CAPN8: variants seen among roughly 807,000 people sequenced by gnomAD.
CAPN8 encodes calpain 8, also known as calpain-8.
CAPN8 carries 87 observed loss-of-function variants against 80.9 expected under a neutral mutation model. The ratio of observed to expected loss-of-function variants is 1.07; its 90% CI spans 0.90 to 1.28. The LOEUF (loss-of-function observed/expected upper bound fraction) is 1.28. CAPN8 is among the 50% of genes most tolerant of loss of function. The pLI, the probability that CAPN8 is intolerant of heterozygous loss-of-function variation, is 0.00. For missense variants in CAPN8, 757 were observed against 702.0 expected (o/e 1.08, Z -0.89); for synonymous variants, 299 against 273.8 (o/e 1.09, Z -0.91).
At position 223,618,026 on chromosome 1, in the gene CAPN8, T is replaced by A. The variant is rs1021820308; in HGVS notation, c.1135+1267A>T. On this transcript the variant is annotated intron_variant, in intron 9 of 20. Transcript: ENST00000366872. ...GCATCCAGGTGGGGTTTTATTCTAA[T>A]GCTGCTTCCCTAGCACCGAGCACAG... The A allele has an allele frequency of 7.4e-6, 4 of 537,948 alleles. No homozygotes were observed. The African/African-American group carries it at 7.5e-5, about 10-fold the overall frequency. The allele number at this position is 537,948 out of a possible 1,614,324, so 33.3% of individuals were successfully genotyped here. A position where few individuals can be genotyped will look rare whatever the true frequency, so the allele number is the denominator to read the frequency against.
intron 2 of CAPN8, among the ~76,000 whole-genome samples, chr1:223,645,840 G>GTCCT (rs1175415518): frequency 6.6e-6 from 1 of 152,178 alleles, no homozygotes; most frequent in Non-Finnish European, 1.5e-5. Context: ...GGCACAAAGA[G>GTCCT]TCCTCCTGGA....
rs181936413 is a variant in CAPN8, at chr1:223,625,977, C to T, written c.730-89G>A. The stretch of plus-strand genomic sequence containing the variant: ...GCTTTCCAAGGACACACTACACAGC[C>T]ACTGGGGGCTTCAGTGTGGGACTAG... On this transcript the variant is annotated intron_variant, in intron 5 of 20. Coordinates refer to ENST00000366872, the MANE Select transcript of CAPN8 (RefSeq NM_001143962.2). 9.4e-4 allele frequency: 951 copies of T among 1,011,900 alleles called. 6 individuals carry two copies. In the African/African-American group the frequency reaches 0.013, roughly 14 times the overall value. 62.7% of individuals were successfully genotyped at this position (1,011,900 alleles called of 1,614,324 possible). A position where few individuals can be genotyped will look rare whatever the true frequency, so the allele number is the denominator to read the frequency against.
intron 12 of CAPN8, among the ~76,000 whole-genome samples, 183 bp downstream of exon 12, chr1:223,608,970 A>T (rs1433890096): frequency 4.0e-5 from 6 of 148,682 alleles, no homozygotes; most frequent in African/African-American, 1.5e-4. Context: ...CGTGACCTAT[A>T]GAGCAAGGTG....
Position 223,616,232 on chromosome 1 carries a change from T to A in CAPN8, c.1136-87A>T, listed in dbSNP as rs935938544. On this transcript the variant is annotated intron_variant, in intron 9 of 20. Transcript: ENST00000366872. Reference sequence around the variant, plus strand: ...AAGTAAAAGGGAAGAAACTTGATCATCCTAATGAATGCACAGCTCCATCCA... The same window carrying A: ...AAGTAAAAGGGAAGAAACTTGATCAACCTAATGAATGCACAGCTCCATCCA... The A allele has an allele frequency of 2.2e-6, 3 of 1,378,286 alleles. No individual in the cohort carries two copies. In the African/African-American group the frequency reaches 4.4e-5, roughly 20 times the overall value. 85.4% of individuals were successfully genotyped at this position (1,378,286 alleles called of 1,614,324 possible). A position where few individuals can be genotyped will look rare whatever the true frequency, so the allele number is the denominator to read the frequency against.
At chr1:223,624,906 GAC>G (rs1657518383) in intron 6 of CAPN8, among the ~76,000 whole-genome samples, 4 of 151,686 alleles carry the variant, frequency 2.6e-5, no homozygotes, top group Admixed American at 2.0e-4. Context: ...CATCCTGGCT[GAC>G]ACAGTGAAAC....
intron 2 of CAPN8, among the ~76,000 whole-genome samples, chr1:223,651,592 C>A (rs1269548114): frequency 1.3e-5 from 2 of 152,204 alleles, no homozygotes; most frequent in African/African-American, 4.8e-5. Flanking sequence ...CAGAAGCAGC[C>A]AGACTTTGGA....
At chr1:223,664,191 A>T (rs2102743482) in intron 1 of CAPN8, among the ~76,000 whole-genome samples, 1 of 152,310 alleles carries the variant, frequency 6.6e-6, no homozygotes, top group Admixed American at 6.5e-5. Context: ...GGGTAGTATC[A>T]GTAACCGCAT....
At position 223,545,345 on chromosome 1, in the gene CAPN8, C is replaced by A. The variant is rs1180731363; in HGVS notation, c.1765-46G>T. ...CATGATTGAGTCCAAATTCTACATG[C>A]CTTATAGATTTCTTTCTCTTGTGAG... On this transcript the variant is annotated intron_variant, in intron 16 of 20. Coordinates refer to ENST00000366872, the MANE Select transcript of CAPN8 (RefSeq NM_001143962.2). 4 of 1,551,122 alleles carry A rather than the reference C, an allele frequency of 2.6e-6. No individual in the cohort carries two copies. The Admixed American group carries it at 7.8e-5, about 30-fold the overall frequency.
chr1:223,544,878 A>C, intron 17 of CAPN8, 28 bp from the exon 18 acceptor site: 2 of 1,551,466 alleles, frequency 1.3e-6, no homozygotes, highest in South Asian at 1.2e-5. Context: ...TCCCAAGTAG[A>C]AAACAACCAT....
intron 2 of CAPN8, among the ~76,000 whole-genome samples, chr1:223,651,122 TG>T (rs149473140): frequency 0.012 from 1,786 of 152,034 alleles, 33 homozygotes; most frequent in African/African-American, 0.04. Context: ...ACACTGAGTG[TG>T]GGTGGCCCTT....
chr1:223,632,950 G>A (rs1220900712), intron 2 of CAPN8, among the ~76,000 whole-genome samples: 2 of 152,196 alleles, frequency 1.3e-5, no homozygotes, highest in African/African-American at 4.8e-5. Context: ...CTTCCCATCT[G>A]GAAAGTCCAC....
Position 223,610,940 on chromosome 1 carries a change from G to T in CAPN8, c.1323+1306C>A, listed in dbSNP as rs144379173. 4.7e-3 allele frequency among the ~76,000 whole-genome samples: 714 copies of T among 152,298 alleles called. 5 individuals are homozygous for T. The highest frequency in any genetic ancestry group is 0.017 in the African/African-American group (693 of 41,556). ...ACTGAAAGAATCAAAAACTCCAGGA[G>T]CAGGGCCCAAAAATCTGTGCTTCAA... is the stretch of plus-strand genomic sequence containing the variant. On this transcript the variant is annotated intron_variant, in intron 11 of 20. Coordinates refer to ENST00000366872, the MANE Select transcript of CAPN8 (RefSeq NM_001143962.2).
intron 2 of CAPN8, among the ~76,000 whole-genome samples, chr1:223,647,280 A>G (rs918651309): frequency 1.3e-5 from 2 of 152,250 alleles, no homozygotes; most frequent in African/African-American, 4.8e-5. Flanking sequence ...TGCTAAAGGA[A>G]AAGTTAAGCT....
At chr1:223,645,568 C>T (rs1658168480) in intron 2 of CAPN8, among the ~76,000 whole-genome samples, 1 of 152,162 alleles carries the variant, frequency 6.6e-6, no homozygotes. Flanking sequence ...GTGGGGGGAC[C>T]ACTCCAGGCA....
chr1:223,660,274 C>T (rs1298707579), intron 1 of CAPN8, among the ~76,000 whole-genome samples: 1 of 152,202 alleles, frequency 6.6e-6, no homozygotes, highest in Non-Finnish European at 1.5e-5. Context: ...GACTGCACTG[C>T]ACCAGGGCCT....
rs778577037 is a variant in CAPN8 at position 223,544,084 on chromosome 1, C to T, written c.2012G>A (p.Arg671His). ...TGACTCACTGAAGAGGGTCTCCAGG[C>T]GGATCATACAAGCCACGAAGCTGTC... ...NFDSFVACMI[R>H]LETLFKLFSL... The change falls in exon 19 of 21, where the codon CGC becomes CAC. Residue 671 changes from arginine (R) to histidine (H), a missense_variant. Arg to His is a conservative substitution (Grantham distance 29). Coordinates refer to ENST00000366872, the MANE Select transcript of CAPN8 (RefSeq NM_001143962.2). 5.6e-5 allele frequency: 40 copies of T among 717,970 alleles called. No individual in the cohort carries two copies. Among genetic ancestry groups the T allele is most frequent in the Middle Eastern group, 2.3e-4 (1 of 4,394 alleles). 44.5% of individuals were successfully genotyped at this position (717,970 alleles called of 1,614,324 possible).
rs571727104 is a variant in CAPN8, at chr1:223,543,369, GC to G, written c.2030-204del. ...ACAATGAGCTTTTGGGGGATCAGAT[GC>G]CCCCCTGCCGAAACAGACAAACCCC... On this transcript the variant is annotated intron_variant, in intron 19 of 20. Transcript: ENST00000366872. Among the ~76,000 whole-genome samples, 12 of 148,092 alleles carry G rather than the reference GC, an allele frequency of 8.1e-5. No homozygotes were observed. The East Asian group carries it at 2.1e-3, about 26-fold the overall frequency.
chr1:223,650,031 G>T (rs1658304132), intron 2 of CAPN8, among the ~76,000 whole-genome samples: 1 of 152,194 alleles, frequency 6.6e-6, no homozygotes, highest in African/African-American at 2.4e-5. Flanking sequence ...AGGTGGAGAG[G>T]CCAGAGGTGC....
chr1:223,544,945 G>A (rs141819979), intron 17 of CAPN8, 95 bp from the exon 18 acceptor site: 3 of 1,536,388 alleles, frequency 2.0e-6, no homozygotes, highest in African/African-American at 2.8e-5. Context: ...AAAAGGCCAG[G>A]GACACTTTCA....
Sources: gnomAD v4.1 joint callset for allele counts (sites outside exome capture counted in the v4.1 genomes callset) on GRCh38, gnomAD v4.1.1 for gene constraint, MANE v1.5 for transcripts, NCBI Gene and HGNC (gene_info 2026-07-23, HGNC 2026-07-21) for gene names.